The following RGL1 variants were observed in gnomAD, a reference collection of about 807,000 sequenced individuals.
RGL1 encodes the protein ral guanine nucleotide dissociation stimulator-like 1.
Under a neutral mutation model 95.2 loss-of-function variants are expected in RGL1, and 24 were observed. The observed-to-expected ratio is 0.25, with a 90% CI of 0.18 to 0.35. The LOEUF (loss-of-function observed/expected upper bound fraction) is 0.35, where lower values mean the gene tolerates loss of function less well. Ranked by LOEUF, RGL1 falls within the 10% of genes least tolerant of loss-of-function variation. The probability of loss-of-function intolerance (pLI) is 1.00; values close to 1 mark genes in which losing one functional copy is unlikely to be tolerated. For synonymous variants in RGL1, 329 were observed against 344.9 expected, an observed-to-expected ratio of 0.95 and a Z score of 0.51; for missense variants, 715 against 936.3, an observed-to-expected ratio of 0.76 and a Z score of 3.08.
intron 2 of RGL1, among the ~76,000 whole-genome samples, chr1:183,758,436 A>T (rs1248588264): frequency 6.6e-6 from 1 of 152,072 alleles, no homozygotes; most frequent in Non-Finnish European, 1.5e-5. Context: ...TGACCTTGTG[A>T]TCCACCCGCC....
chr1:183,719,304 C>T (rs1338813399), intron 1 of RGL1, among the ~76,000 whole-genome samples: 1 of 152,216 alleles, frequency 6.6e-6, no homozygotes, highest in Non-Finnish European at 1.5e-5. Flanking sequence ...CAGTCCTGCA[C>T]CTTGACTACA....
At chr1:183,880,838 C>A in intron 5 of RGL1, 38 bp downstream of exon 5, 1 of 1,590,820 alleles carries the variant, frequency 6.3e-7, no homozygotes, top group African/African-American at 1.3e-5. Flanking sequence ...AGGCTAGATT[C>A]TGATTCTCCA....
At chr1:183,768,367 T>C (rs900095230) in intron 2 of RGL1, among the ~76,000 whole-genome samples, 1 of 152,204 alleles carries the variant, frequency 6.6e-6, no homozygotes, top group Admixed American at 6.5e-5. Context: ...TCCATAACTT[T>C]CTTCACATCT....
chr1:183,836,606 G>A (rs747701901), intron 2 of RGL1, among the ~76,000 whole-genome samples: 3 of 152,060 alleles, frequency 2.0e-5, no homozygotes, highest in Non-Finnish European at 2.9e-5. Context: ...CAGGATACAC[G>A]CAACTGTTTT....
At chr1:183,915,052 T>G (rs1668878069) in intron 15 of RGL1, among the ~76,000 whole-genome samples, 1 of 152,126 alleles carries the variant, frequency 6.6e-6, no homozygotes, top group South Asian at 2.1e-4. Flanking sequence ...AGAGCCACAA[T>G]CAGACCCCTA....
Position 183,926,220 on chromosome 1 carries a change from G to T in RGL1, c.2235G>T (p.Arg745=), listed in dbSNP as rs763117815. 6 of 1,613,918 alleles carry T rather than the reference G, an allele frequency of 3.7e-6. No homozygotes were observed. In the East Asian group the frequency reaches 1.3e-4, roughly 36 times the overall value. Residue 745 remains arginine, a synonymous_variant, in exon 18 of 18, where the codon CGG becomes CGT. Coordinates refer to ENST00000360851, the MANE Select transcript of RGL1 (RefSeq NM_001297671.3). The part of the protein sequence containing the change: ...SMEEQVKLRS[R]TSLTLPRTAK... The stretch of plus-strand genomic sequence containing the variant: ...AAGAACAAGTGAAACTGCGTAGCCG[G>T]ACCAGCTTGACGTTGCCCAGGACAG...
chr1:183,789,932 T>A (rs1660363574), intron 2 of RGL1, among the ~76,000 whole-genome samples: 1 of 150,666 alleles, frequency 6.6e-6, no homozygotes, highest in African/African-American at 2.4e-5. Context: ...TTTTACTTAT[T>A]TTTTTTTTGA....
intron 2 of RGL1, among the ~76,000 whole-genome samples, chr1:183,755,695 A>G (rs1658282694): frequency 6.6e-6 from 1 of 152,162 alleles, no homozygotes; most frequent in Non-Finnish European, 1.5e-5. Context: ...TTGATCTTAA[A>G]AAACGGACAA....
chr1:183,654,243 A>C (rs1650980183), intron 1 of RGL1, among the ~76,000 whole-genome samples: 1 of 152,088 alleles, frequency 6.6e-6, no homozygotes, highest in Non-Finnish European at 1.5e-5. Flanking sequence ...TGAACTCCTC[A>C]GCTGGTTATT....
At chr1:183,897,701 C>T (rs1276410366) in intron 9 of RGL1, 107 bp from the exon 10 acceptor site, 15 of 732,854 alleles carry the variant, frequency 2.0e-5, no homozygotes, top group Non-Finnish European at 3.0e-5. Context: ...CATGGTGTTC[C>T]GAGCGAGAGT....
chr1:183,841,567 G>A (rs572447730), intron 2 of RGL1, among the ~76,000 whole-genome samples: 5 of 152,218 alleles, frequency 3.3e-5, no homozygotes, highest in Non-Finnish European at 7.3e-5. Flanking sequence ...AGAACCTCAT[G>A]TTGAGCTTGA....
At chr1:183,726,836 A>G (rs1294021714) in intron 1 of RGL1, among the ~76,000 whole-genome samples, 1 of 152,126 alleles carries the variant, frequency 6.6e-6, no homozygotes, top group East Asian at 1.9e-4. Context: ...CCCAAATCCA[A>G]AAATTTGAAG....
At chr1:183,806,533 C>A in intron 2 of RGL1, 48 bp downstream of exon 2, 1 of 1,271,012 alleles carries the variant, frequency 7.9e-7, no homozygotes, top group African/African-American at 1.5e-5. Flanking sequence ...CAGTGTCTGT[C>A]GTTCTGTGAA....
rs1664539689 is a variant in RGL1 at position 183,847,722 on chromosome 1, A to G, written c.295A>G (p.Thr99Ala). 1.2e-6 allele frequency: 2 copies of G among 1,614,000 alleles called. No homozygotes were observed. Among genetic ancestry groups the G allele is most frequent in the East Asian group, 2.2e-5 (1 of 44,898 alleles). ...TACCTATATCAGCATCTTTCTTTCA[A>G]CGTACAGAGGCTTTGCCTCCACTAA... ...DFTYISIFLS[T>A]YRGFASTKEV... The change falls in exon 3 of 18, where the codon ACG becomes GCG. Residue 99 changes from threonine to alanine, a missense_variant. Physicochemically the swap from Thr to Ala is moderately conservative, Grantham distance 58 (BLOSUM62 0). Around this residue, in one of 3 missense-constraint regions of RGL1, gnomAD observed 381 missense variants for 484.8 expected, o/e 0.79. Transcript: ENST00000360851.
rs774918414 is a variant in RGL1 at position 183,847,799 on chromosome 1, G to A, written c.347+25G>A. The A allele has an allele frequency of 4.5e-5, 71 of 1,590,608 alleles. 1 individual carries two copies. The South Asian group carries it at 7.9e-4, about 18-fold the overall frequency. On this transcript the variant is annotated intron_variant, in intron 3 of 17. Coordinates refer to ENST00000360851, the MANE Select transcript of RGL1 (RefSeq NM_001297671.3). ...GGTAAGAATGTAAAGGAGCTTTTGA[G>A]TTGAAAGAAATGTAGGCTGATTATG...
At chr1:183,713,166 C>T (rs1406463563) in intron 1 of RGL1, among the ~76,000 whole-genome samples, 1 of 152,078 alleles carries the variant, frequency 6.6e-6, no homozygotes, top group Non-Finnish European at 1.5e-5. Context: ...GCTGAGATTA[C>T]AGGCGTGTAC....
intron 3 of RGL1, among the ~76,000 whole-genome samples, chr1:183,851,634 C>T (rs986405548): frequency 2.0e-5 from 3 of 152,088 alleles, no homozygotes; most frequent in East Asian, 1.9e-4. Context: ...GAAGTTCTAA[C>T]ATGTTCTGCA....
chr1:183,893,256 A>G (rs555493102), intron 9 of RGL1, among the ~76,000 whole-genome samples: 2 of 152,342 alleles, frequency 1.3e-5, no homozygotes, highest in South Asian at 2.1e-4. Flanking sequence ...AGGTCCTACC[A>G]TAGGGGAAAG....
In RGL1 at chr1:183,927,167, G is replaced by T. The variant is rs948456904; in HGVS notation, c.*875G>T. On this transcript the variant is annotated 3_prime_UTR_variant, in exon 18 of 18. Coordinates refer to ENST00000360851, the MANE Select transcript of RGL1 (RefSeq NM_001297671.3). Reference sequence around the variant, plus strand: ...GCCAGAAAAGAAAGCGCAAAAGAATGGTGACTCATTTGGACTCTTATCTGT... The same window carrying T: ...GCCAGAAAAGAAAGCGCAAAAGAATTGTGACTCATTTGGACTCTTATCTGT... 17 of 152,502 alleles carry T rather than the reference G, an allele frequency of 1.1e-4. No individual in the cohort carries two copies. Among genetic ancestry groups the T allele is most frequent in the African/African-American group, 3.9e-4 (16 of 41,386 alleles). The allele number at this position is 152,502 out of a possible 1,614,324, so 9.4% of individuals were successfully genotyped here.
Sources: allele counts gnomAD v4.1 joint callset (sites outside exome capture counted in the v4.1 genomes callset), GRCh38; gene constraint gnomAD v4.1.1; regional missense constraint gnomAD v4.1.1; transcripts MANE v1.5; gene names NCBI Gene and HGNC (gene_info 2026-07-23, HGNC 2026-07-21).